The following SAMD7 variants were observed in gnomAD, a reference collection of about 807,000 sequenced individuals.
SAMD7 encodes sterile alpha motif domain-containing protein 7.
In SAMD7, 34 loss-of-function variants were observed where a neutral mutation model predicts 36.7. The ratio of observed to expected loss-of-function variants is 0.93; its 90% confidence interval spans 0.71 to 1.23. The LOEUF is 1.23. Among genes scored for constraint, SAMD7 ranks in the 50% most tolerant of loss-of-function variants. SAMD7 has a pLI of 0.00. For missense variants in SAMD7, 570 were observed against 546.6 expected (o/e 1.04, Z -0.43); for synonymous variants, 188 against 189.7 (o/e 0.99, Z 0.07).
At chr3:169,928,108 G>A (rs1713347113) in intron 6 of SAMD7, among the ~76,000 whole-genome samples, 1 of 152,180 alleles carries the variant, frequency 6.6e-6, no homozygotes, top group African/African-American at 2.4e-5. Context: ...TGAAAATGTA[G>A]CTAAATTATT....
chr3:169,927,492 TC>T, intron 6 of SAMD7, among the ~76,000 whole-genome samples: 1 of 152,110 alleles, frequency 6.6e-6, no homozygotes, highest in African/African-American at 2.4e-5. Context: ...AGCCGGGGTT[TC>T]ACCATGTTGG....
intron 4 of SAMD7, among the ~76,000 whole-genome samples, chr3:169,922,820 C>CAGA (rs59870912): frequency 0.9 from 137,062 of 152,134 alleles, 62,059 homozygotes; most frequent in East Asian, 0.99. Context: ...TTTTTGTGGT[C>CAGA]AGATTTACGA....
rs375484243 is a variant in SAMD7, at chr3:169,927,087, G to A, written c.825G>A (p.Trp275Ter). The A allele has an allele frequency of 1.4e-5, 23 of 1,600,798 alleles. No homozygotes were observed. Among genetic ancestry groups the A allele is most frequent in the Non-Finnish European group, 1.8e-5 (21 of 1,176,538 alleles). ...SHTTTLKAKA[W>*]DDGKEEASEQ... is the part of the protein sequence containing the mutation. The stretch of plus-strand genomic sequence containing the variant: ...CCACTACCCTGAAAGCAAAGGCCTG[G>A]GACGATGGGAAAGAGGAGGCTTCGG... The change falls in exon 6 of 9, where the codon TGG becomes TGA. Residue 275 changes from tryptophan to a stop codon, truncating the protein, a stop_gained. Coordinates refer to ENST00000335556, the MANE Select transcript of SAMD7 (RefSeq NM_001304366.2). LOFTEE classifies it high-confidence loss of function.
At chr3:169,924,922 T>C (rs1713191286) in intron 4 of SAMD7, 136 bp from the exon 5 acceptor site, 1 of 589,974 alleles carries the variant, frequency 1.7e-6, no homozygotes, top group Non-Finnish European at 3.0e-6. Flanking sequence ...TGATACCATT[T>C]CCAAAATTGT....
At chr3:169,914,026 G>A (rs1392337365) in intron 1 of SAMD7, among the ~76,000 whole-genome samples, 1 of 152,148 alleles carries the variant, frequency 6.6e-6, no homozygotes, top group African/African-American at 2.4e-5. Context: ...CTGTAATGGT[G>A]GATAAATGCC....
At chr3:169,932,740 C>T in intron 7 of SAMD7, 1 of 530,118 alleles carries the variant, frequency 1.9e-6, no homozygotes, top group South Asian at 1.6e-5. Flanking sequence ...ACTGAAAAGG[C>T]AAATTGGCCA....
chr3:169,926,172 T>A (rs2108261272), intron 5 of SAMD7: 1 of 750,818 alleles, frequency 1.3e-6, no homozygotes. Context: ...ACTTGCAATG[T>A]CTAATTGTCT....
intron 6 of SAMD7, among the ~76,000 whole-genome samples, chr3:169,927,541 C>T (rs552105697): frequency 9.6e-4 from 146 of 151,964 alleles, no homozygotes; most frequent in African/African-American, 3.3e-3. Flanking sequence ...GTGATCCGCC[C>T]GCCTCGGCCT....
In SAMD7 at chr3:169,926,575, ATT is replaced by A; in HGVS notation, c.315_316del (p.Tyr106ProfsTer9). ...TAGGACAGAAATGGAAATGTATGCT[ATT>A]TACCAGCAAAGGAGAATGGAAAAAA... ...TARTEMEMYA[I>X]YQQRRMEKIN... is the part of the protein sequence containing the mutation. On this transcript the variant is annotated frameshift_variant, in exon 6 of 9. Transcript: ENST00000335556. LOFTEE classifies it high-confidence loss of function. 1 of 1,611,180 alleles carries A rather than the reference ATT, an allele frequency of 6.2e-7. No homozygotes were observed. Among genetic ancestry groups the A allele is most frequent in the South Asian group, 1.1e-5 (1 of 90,952 alleles).
At chr3:169,931,623 T>C (rs1302693023) in intron 7 of SAMD7, among the ~76,000 whole-genome samples, 1 of 152,168 alleles carries the variant, frequency 6.6e-6, no homozygotes, top group Non-Finnish European at 1.5e-5. Context: ...CCTGGCTCTT[T>C]AATTTATATT....
intron 4 of SAMD7, among the ~76,000 whole-genome samples, chr3:169,922,565 T>A (rs1713089105): frequency 1.3e-5 from 2 of 152,234 alleles, no homozygotes; most frequent in Non-Finnish European, 2.9e-5. Flanking sequence ...AATGGCACAA[T>A]CTCGGCTCAC....
At chr3:169,926,508 T>C (rs1243952874) in intron 5 of SAMD7, 45 bp from the exon 6 acceptor site, 14 of 1,527,612 alleles carry the variant, frequency 9.2e-6, no homozygotes, top group Non-Finnish European at 1.2e-5. Context: ...ATTACATTTA[T>C]AGTGGTTTTC....
In SAMD7 at chr3:169,938,962, T is replaced by G. The variant is rs1559956186; in HGVS notation, c.*456T>G. The G allele has an allele frequency of 6.6e-6, 1 of 152,560 alleles. No homozygotes were observed. The highest frequency in any genetic ancestry group is 1.5e-5 in the Non-Finnish European group (1 of 68,410). 9.5% of individuals were successfully genotyped at this position (152,560 alleles called of 1,614,324 possible). On this transcript the variant is annotated 3_prime_UTR_variant, in exon 9 of 9. Transcript: ENST00000335556. ...GAGAAGCTGACCACGACTCCATCTC[T>G]TCTCATTCCAGATTTCCAGCGTGAA...
chr3:169,925,534 G>A (rs939178474), intron 5 of SAMD7, among the ~76,000 whole-genome samples: 2 of 152,094 alleles, frequency 1.3e-5, no homozygotes, highest in Non-Finnish European at 2.9e-5. Flanking sequence ...AGACCAGCCT[G>A]GCCAAGATGG....
intron 7 of SAMD7, among the ~76,000 whole-genome samples, chr3:169,933,940 G>A (rs1231256313): frequency 6.6e-6 from 1 of 152,232 alleles, no homozygotes; most frequent in Non-Finnish European, 1.5e-5. Context: ...AAGTCAAGAG[G>A]AGAGGTGAGG....
intron 7 of SAMD7, among the ~76,000 whole-genome samples, chr3:169,935,432 A>C (rs1007210750): frequency 1.3e-5 from 2 of 152,176 alleles, no homozygotes; most frequent in Non-Finnish European, 2.9e-5. Context: ...AGTGGGAGAA[A>C]ATAAAGGTTT....
Position 169,918,184 on chromosome 3 carries a change from T to C in SAMD7, c.-41-1274T>C, listed in dbSNP as rs137962831. 7.6e-3 allele frequency among the ~76,000 whole-genome samples: 1,141 copies of C among 150,092 alleles called. 12 individuals are homozygous for C. Among genetic ancestry groups the C allele is most frequent in the African/African-American group, 0.026 (1,061 of 40,776 alleles). ...AACTCCTGACCTCAAACGATCCGCC[T>C]GCCTCAGCCTCCCAAAGTGCTGGGA... On this transcript the variant is annotated intron_variant, in intron 2 of 8. Transcript: ENST00000335556.
chr3:169,912,111 C>G (rs76881487), intron 1 of SAMD7, among the ~76,000 whole-genome samples: 1,535 of 152,194 alleles, frequency 0.01, 29 homozygotes, highest in African/African-American at 0.035. Flanking sequence ...AAGATAAAGT[C>G]AGTTCAAAGT....
chr3:169,918,488 G>A (rs987557083), intron 2 of SAMD7, among the ~76,000 whole-genome samples: 1 of 152,160 alleles, frequency 6.6e-6, no homozygotes, highest in Non-Finnish European at 1.5e-5. Context: ...TGTTCAACTA[G>A]TACTTGTTTT....
Sources: gnomAD v4.1 joint callset for allele counts (sites outside exome capture counted in the v4.1 genomes callset) on GRCh38, gnomAD v4.1.1 for gene constraint, MANE v1.5 for transcripts, NCBI Gene and HGNC (gene_info 2026-07-23, HGNC 2026-07-21) for gene names.